EPHA6: variants seen among roughly 807,000 people sequenced by gnomAD.
EPHA6 encodes EPH receptor A6.
A neutral mutation model predicts 112.0 loss-of-function variants in EPHA6; 50 were observed. The observed-to-expected ratio is 0.45, with a 90% CI of 0.36 to 0.56. The LOEUF is 0.56. Ranked by LOEUF, EPHA6 falls within the 20% of genes least tolerant of loss-of-function variation. EPHA6 has a pLI of 0.00. For missense variants in EPHA6, 1,280 were observed against 1,417.4 expected, an observed-to-expected ratio of 0.90 and a Z score of 1.56; for synonymous variants, 529 against 490.7, an observed-to-expected ratio of 1.08 and a Z score of -1.03.
Position 96,875,857 on chromosome 3 carries a change from TA to T in EPHA6, c.450+8969del, listed in dbSNP as rs542706539. Among the ~76,000 whole-genome samples the T allele has an allele frequency of 5.0e-4, 76 of 151,866 alleles. 1 individual carries two copies. In the East Asian group the frequency reaches 9.9e-3, roughly 20 times the overall value. On this transcript the variant is annotated intron_variant, in intron 2 of 17. Transcript: ENST00000389672. ...TTTTTATTTTTATTCATTTTATCTTTATTTTTTTCATTGTTACTTACAAACC... is the reference window on the plus strand; with the variant it reads ...TTTTTATTTTTATTCATTTTATCTTTTTTTTTTCATTGTTACTTACAAACC...
At chr3:97,524,780 T>G (rs1381056553) in intron 10 of EPHA6, among the ~76,000 whole-genome samples, 1 of 152,154 alleles carries the variant, frequency 6.6e-6, no homozygotes, top group Admixed American at 6.6e-5. Context: ...TTTTAGCACT[T>G]TCAATATGTC....
chr3:97,067,021 G>A (rs2046199946), intron 3 of EPHA6, among the ~76,000 whole-genome samples: 1 of 152,198 alleles, frequency 6.6e-6, no homozygotes, highest in South Asian at 2.1e-4. Flanking sequence ...TCTCAGAATG[G>A]TATTTAATGT....
At chr3:97,529,692 G>T (rs1018812227) in intron 10 of EPHA6, among the ~76,000 whole-genome samples, 1 of 151,968 alleles carries the variant, frequency 6.6e-6, no homozygotes, top group Non-Finnish European at 1.5e-5. Flanking sequence ...GTAGATAACA[G>T]TTTTAATACA....
intron 1 of EPHA6, among the ~76,000 whole-genome samples, chr3:96,821,996 A>G (rs896006765): frequency 3.9e-5 from 6 of 151,960 alleles, no homozygotes; most frequent in African/African-American, 1.4e-4. Flanking sequence ...ACAGTAAATG[A>G]TGTTGCATGG....
chr3:97,646,401 A>G, intron 14 of EPHA6: 1 of 937,484 alleles, frequency 1.1e-6, no homozygotes, highest in Non-Finnish European at 1.5e-6. Flanking sequence ...AAGTAAATGA[A>G]GAATGAGATT....
rs185743423 is a variant in EPHA6, at chr3:97,702,678, T to G, written c.2785-17583T>G. 1.3e-3 allele frequency among the ~76,000 whole-genome samples: 203 copies of G among 152,318 alleles called. 1 individual carries two copies. Among genetic ancestry groups the G allele is most frequent in the Non-Finnish European group, 1.2e-4 (8 of 68,022 alleles). On this transcript the variant is annotated intron_variant, in intron 14 of 17. Coordinates refer to ENST00000389672, the MANE Select transcript of EPHA6 (RefSeq NM_001080448.3). ...ATCACTATTTCTCTTATTATCATCATACCAGCGTAACCACTGGTACTTTTA... is the reference window on the plus strand; with the variant it reads ...ATCACTATTTCTCTTATTATCATCAGACCAGCGTAACCACTGGTACTTTTA...
intron 3 of EPHA6, among the ~76,000 whole-genome samples, chr3:97,214,481 CAAAAAAAA>C (rs1166034294): frequency 1.6e-5 from 1 of 63,036 alleles, no homozygotes; most frequent in African/African-American, 4.3e-5. Flanking sequence ...AACTTTGTCT[CAAAAAAAA>C]AAAAAAAAAA....
At chr3:97,035,068 C>G (rs575945128) in intron 3 of EPHA6, among the ~76,000 whole-genome samples, 1 of 152,018 alleles carries the variant, frequency 6.6e-6, no homozygotes, top group African/African-American at 2.4e-5. Context: ...CTTTGTTTTG[C>G]TCTCAATTAA....
At chr3:97,143,461 A>G (rs988712467) in intron 3 of EPHA6, among the ~76,000 whole-genome samples, 15 of 151,812 alleles carry the variant, frequency 9.9e-5, no homozygotes, top group African/African-American at 3.6e-4. Flanking sequence ...TTGGTTATAG[A>G]TTGTACCATA....
rs904166118 is a variant in EPHA6 at position 97,755,038 on chromosome 3, C to A, written c.*6337C>A. ...CTTTTAAACAAAACATGGAAAAGTTCTTGCTTGAACTTTCACACTGATTAA... is the reference window on the plus strand; with the variant it reads ...CTTTTAAACAAAACATGGAAAAGTTATTGCTTGAACTTTCACACTGATTAA... On this transcript the variant is annotated 3_prime_UTR_variant, in exon 18 of 18. Coordinates refer to ENST00000389672, the MANE Select transcript of EPHA6 (RefSeq NM_001080448.3). Among the ~76,000 whole-genome samples the A allele has an allele frequency of 8.5e-5, 13 of 152,316 alleles. No individual in the cohort carries two copies. Among genetic ancestry groups the A allele is most frequent in the Admixed American group, 8.5e-4 (13 of 15,304 alleles).
chr3:97,617,786 T>C (rs866228541), intron 13 of EPHA6, among the ~76,000 whole-genome samples: 4 of 152,116 alleles, frequency 2.6e-5, no homozygotes, highest in Middle Eastern at 3.2e-3. Context: ...TAAAGCAAGT[T>C]ATCAGAGACC....
At chr3:97,344,524 C>G (rs2083447729) in intron 5 of EPHA6, among the ~76,000 whole-genome samples, 1 of 152,058 alleles carries the variant, frequency 6.6e-6, no homozygotes. Context: ...GAGAAGGTAG[C>G]CATATGCAAA....
intron 7 of EPHA6, among the ~76,000 whole-genome samples, chr3:97,473,013 A>T (rs1263185475): frequency 6.6e-6 from 1 of 151,764 alleles, no homozygotes; most frequent in Non-Finnish European, 1.5e-5. Context: ...TTGTGAAGAT[A>T]ATTTTGATAA....
At chr3:97,185,311 A>G (rs1431871508) in intron 3 of EPHA6, among the ~76,000 whole-genome samples, 1 of 152,162 alleles carries the variant, frequency 6.6e-6, no homozygotes, top group East Asian at 1.9e-4. Context: ...TTTGCAATGT[A>G]CTCGTCTGAC....
intron 10 of EPHA6, among the ~76,000 whole-genome samples, chr3:97,513,652 G>C (rs1477258454): frequency 6.6e-6 from 1 of 151,550 alleles, no homozygotes; most frequent in East Asian, 1.9e-4. Context: ...GCATAGAATA[G>C]TGGTTACTAG....
chr3:97,501,170 G>A (rs1248504486), intron 10 of EPHA6, among the ~76,000 whole-genome samples: 1 of 152,146 alleles, frequency 6.6e-6, no homozygotes, highest in Non-Finnish European at 1.5e-5. Context: ...CAGAAGTTTT[G>A]ATGTGCTTTC....
chr3:97,165,263 C>A (rs2076513219), intron 3 of EPHA6, among the ~76,000 whole-genome samples: 2 of 152,148 alleles, frequency 1.3e-5, no homozygotes, highest in South Asian at 4.1e-4. Context: ...TGTCTTCTCA[C>A]TCTCCAACAA....
intron 3 of EPHA6, among the ~76,000 whole-genome samples, chr3:97,067,511 A>G (rs903374489): frequency 6.6e-6 from 1 of 151,530 alleles, no homozygotes; most frequent in South Asian, 2.1e-4. Context: ...TATGGAAGAA[A>G]TGATTGAGAC....
intron 2 of EPHA6, among the ~76,000 whole-genome samples, chr3:96,892,738 TTCCATTCTCTCATGGGA>T (rs2038036680): frequency 6.6e-6 from 1 of 152,172 alleles, no homozygotes; most frequent in Non-Finnish European, 1.5e-5. Flanking sequence ...TGCTCATGCA[TTCCATTCTCTCATGGGA>T]TGAGATAAAG....
Sources: allele counts gnomAD v4.1 joint callset (sites outside exome capture counted in the v4.1 genomes callset), GRCh38; gene constraint gnomAD v4.1.1; transcripts MANE v1.5; gene names NCBI Gene and HGNC (gene_info 2026-07-23, HGNC 2026-07-21).